The following CDK5RAP2 variants were observed in gnomAD, a reference collection of about 807,000 sequenced individuals.
CDK5RAP2 encodes CDK5 regulatory subunit-associated protein 2.
CDK5RAP2 carries 147 observed loss-of-function variants against 232.9 expected under a neutral mutation model. The ratio of observed to expected loss-of-function variants is 0.63; its 90% CI spans 0.55 to 0.72. CDK5RAP2 has a LOEUF of 0.72. Among genes scored for constraint, CDK5RAP2 ranks in the 30% least tolerant of loss-of-function variants. The probability of loss-of-function intolerance (pLI) is 0.00; values close to 1 mark genes in which losing one functional copy is unlikely to be tolerated. For missense variants in CDK5RAP2, 2,195 were observed against 2,231.5 expected (o/e 0.98, Z 0.33); for synonymous variants, 833 against 833.7 (o/e 1.00, Z 0.01).
intron 12 of CDK5RAP2, among the ~76,000 whole-genome samples, chr9:120,513,468 C>T (rs1056655885): frequency 6.6e-6 from 1 of 152,204 alleles, no homozygotes; most frequent in Non-Finnish European, 1.5e-5. Context: ...CCTAGAGGAA[C>T]CACCCTTTAC....
At chr9:120,560,324 G>C (rs933254354) in intron 3 of CDK5RAP2, among the ~76,000 whole-genome samples, 1 of 152,212 alleles carries the variant, frequency 6.6e-6, no homozygotes, top group Non-Finnish European at 1.5e-5. Flanking sequence ...TAGCAAGCAG[G>C]AAACACAGGA....
chr9:120,479,532 C>G (rs1004627494), intron 14 of CDK5RAP2, among the ~76,000 whole-genome samples: 1 of 152,120 alleles, frequency 6.6e-6, no homozygotes, highest in Non-Finnish European at 1.5e-5. Context: ...CAACTGTGTA[C>G]CATCAGACAG....
At chr9:120,571,775 GACA>G (rs1462265445) in intron 2 of CDK5RAP2, 196 bp downstream of exon 2, 43 of 612,726 alleles carry the variant, frequency 7.0e-5, no homozygotes, top group Non-Finnish European at 1.0e-4. Context: ...TGGCCAAAAG[GACA>G]ACAATTCCTC....
rs899049917 is a variant in CDK5RAP2, at chr9:120,524,728, T to C, written c.1092+258A>G. Among the ~76,000 whole-genome samples the C allele has an allele frequency of 2.6e-5, 4 of 152,234 alleles. No homozygotes were observed. In the East Asian group the frequency reaches 5.8e-4, roughly 22 times the overall value. On this transcript the variant is annotated intron_variant, in intron 11 of 37. Coordinates refer to ENST00000349780, the MANE Select transcript of CDK5RAP2 (RefSeq NM_018249.6). ...ATTAAATGAGATAATCCACATATCT[T>C]GCATTATTACTTAGCACAGAGCACA...
intron 25 of CDK5RAP2, among the ~76,000 whole-genome samples, chr9:120,424,399 C>A (rs1258975518): frequency 6.6e-6 from 1 of 152,230 alleles, no homozygotes; most frequent in African/African-American, 2.4e-5. Context: ...CTACAATCCT[C>A]TTCAAGGGGG....
At chr9:120,490,903 A>G (rs2038868973) in intron 13 of CDK5RAP2, among the ~76,000 whole-genome samples, 1 of 152,338 alleles carries the variant, frequency 6.6e-6, no homozygotes, top group African/African-American at 2.4e-5. Context: ...AAAACTCACG[A>G]CATGATCAAA....
intron 12 of CDK5RAP2, among the ~76,000 whole-genome samples, chr9:120,496,274 C>G (rs2039226737): frequency 7.8e-6 from 1 of 128,352 alleles, no homozygotes; most frequent in Non-Finnish European, 1.7e-5. Context: ...CCGGCCGCCC[C>G]TACTGGGAAG....
chr9:120,474,545 G>A (rs973066237), intron 15 of CDK5RAP2, among the ~76,000 whole-genome samples: 2 of 152,110 alleles, frequency 1.3e-5, no homozygotes, highest in African/African-American at 4.8e-5. Flanking sequence ...TGAGTTACAG[G>A]GAAACTGTGC....
Position 120,424,437 on chromosome 9 carries a change from C to T in CDK5RAP2, c.3956-1696G>A, listed in dbSNP as rs998269717. ...ATCCAAACCTGACTGAGTCAGAGTT[C>T]CAGACCTTTACTGGAAGAACCAGCT... On this transcript the variant is annotated intron_variant, in intron 25 of 37. Transcript: ENST00000349780. Among the ~76,000 whole-genome samples the T allele has an allele frequency of 1.3e-5, 2 of 152,160 alleles. 1 individual carries two copies. The highest frequency in any genetic ancestry group is 4.8e-5 in the African/African-American group (2 of 41,432).
intron 25 of CDK5RAP2, among the ~76,000 whole-genome samples, chr9:120,427,023 G>A (rs1207026697): frequency 2.6e-5 from 4 of 152,184 alleles, no homozygotes; most frequent in Admixed American, 6.5e-5. Context: ...TTAGCTGAGG[G>A]AAGGGTCCCC....
chr9:120,460,459 A>G, intron 19 of CDK5RAP2, 113 bp downstream of exon 19: 2 of 953,042 alleles, frequency 2.1e-6, no homozygotes, highest in East Asian at 2.6e-5. Context: ...CATGAAAGGT[A>G]CAGGATATAG....
chr9:120,548,295 T>C (rs1349942865), intron 4 of CDK5RAP2, among the ~76,000 whole-genome samples: 2 of 152,230 alleles, frequency 1.3e-5, no homozygotes, highest in Non-Finnish European at 2.9e-5. Context: ...GGAGAGCTTC[T>C]ATTTATGAAC....
Position 120,403,306 on chromosome 9 carries a change from A to G in CDK5RAP2, c.5042-235T>C. On this transcript the variant is annotated intron_variant, in intron 33 of 37. Coordinates refer to ENST00000349780, the MANE Select transcript of CDK5RAP2 (RefSeq NM_018249.6). This position sits in a 1 kb window ranked among gnomAD's most constrained non-coding sequence, Gnocchi z 4.2. Reference sequence around the variant, plus strand: ...CAAGTCAACTCAACCAACACTTATCAACCACCCACTCGGCAGAAGACCCCA... The same window carrying G: ...CAAGTCAACTCAACCAACACTTATCGACCACCCACTCGGCAGAAGACCCCA... 1.9e-6 allele frequency: 1 copy of G among 539,278 alleles called. No homozygotes were observed. The highest frequency in any genetic ancestry group is 2.1e-5 in the South Asian group (1 of 48,426). The allele number at this position is 539,278 out of a possible 1,614,324, so 33.4% of individuals were successfully genotyped here. A position where few individuals can be genotyped will look rare whatever the true frequency, so the allele number is the denominator to read the frequency against.
chr9:120,400,339 A>G (rs1285449863), intron 35 of CDK5RAP2, among the ~76,000 whole-genome samples: 1 of 152,260 alleles, frequency 6.6e-6, no homozygotes, highest in Non-Finnish European at 1.5e-5. Context: ...CACCTAAAAT[A>G]AAAGAGATGA....
chr9:120,525,314 C>A (rs12683306), intron 10 of CDK5RAP2, among the ~76,000 whole-genome samples: 2 of 152,130 alleles, frequency 1.3e-5, no homozygotes, highest in South Asian at 2.1e-4. Context: ...CACCGCTCAC[C>A]CAGCTATTGT....
At chr9:120,413,833 A>G (rs12000366) in intron 28 of CDK5RAP2, among the ~76,000 whole-genome samples, 7 of 121,400 alleles carry the variant, frequency 5.8e-5, no homozygotes, top group South Asian at 3.0e-4. Flanking sequence ...AGGAGGGAGG[A>G]GGGAGGAGGG....
In CDK5RAP2 at chr9:120,544,932, T is replaced by G. The variant is rs149816396; in HGVS notation, c.383+782A>C. On this transcript the variant is annotated intron_variant, in intron 5 of 37. Coordinates refer to ENST00000349780, the MANE Select transcript of CDK5RAP2 (RefSeq NM_018249.6). ...GCAGATGTTAGACTCGAAATACTTG[T>G]GTATTTCACAAGTTACTATGTAATA... Among the ~76,000 whole-genome samples the G allele has an allele frequency of 4.6e-5, 7 of 152,364 alleles. No homozygotes were observed. In the East Asian group the frequency reaches 1.3e-3, roughly 29 times the overall value.
intron 26 of CDK5RAP2, among the ~76,000 whole-genome samples, chr9:120,422,308 G>A (rs1289541765): frequency 6.6e-6 from 1 of 152,184 alleles, no homozygotes; most frequent in Non-Finnish European, 1.5e-5. Flanking sequence ...AAAACATGGG[G>A]TACATCAGGG....
intron 4 of CDK5RAP2, among the ~76,000 whole-genome samples, chr9:120,546,586 G>A (rs540306172): frequency 6.6e-6 from 1 of 152,300 alleles, no homozygotes; most frequent in South Asian, 2.1e-4. Flanking sequence ...GAAGACTGCT[G>A]TAAATCTACA....
Sources: allele counts gnomAD v4.1 joint callset (sites outside exome capture counted in the v4.1 genomes callset), GRCh38; gene constraint gnomAD v4.1.1; non-coding constraint Gnocchi (gnomAD v3.1); transcripts MANE v1.5; gene names NCBI Gene and HGNC (gene_info 2026-07-23, HGNC 2026-07-21).